Variants in PRUNE2 observed in about 807,000 individuals in gnomAD.
PRUNE2 encodes protein prune homolog 2.
In PRUNE2, 164 loss-of-function variants were observed where a neutral mutation model predicts 252.0. The observed-to-expected ratio is 0.65, with a 90% CI of 0.57 to 0.74. PRUNE2 has a LOEUF of 0.74. Among genes scored for constraint, PRUNE2 ranks in the 30% least tolerant of loss-of-function variants. The pLI is 0.00. For missense variants in PRUNE2, 3,495 were observed against 3,711.0 expected (o/e 0.94, Z 1.51); for synonymous variants, 1,292 against 1,350.2 (o/e 0.96, Z 0.94).
intron 6 of PRUNE2, among the ~76,000 whole-genome samples, chr9:76,743,913 C>A (rs1414703690): frequency 6.6e-6 from 1 of 152,116 alleles, no homozygotes; most frequent in African/African-American, 2.4e-5. Context: ...CTTAATAAAA[C>A]AAGCTAGCAT....
intron 1 of PRUNE2, among the ~76,000 whole-genome samples, chr9:76,899,013 G>T (rs910781633): frequency 1.3e-5 from 2 of 152,172 alleles, no homozygotes; most frequent in African/African-American, 4.8e-5. Flanking sequence ...TGCCAGGGCT[G>T]GACAGGAAGT....
At chr9:76,773,440 T>A (rs1435970567) in intron 6 of PRUNE2, among the ~76,000 whole-genome samples, 1 of 39,912 alleles carries the variant, frequency 2.5e-5, no homozygotes, top group African/African-American at 2.5e-4. Context: ...TAGTACATCT[T>A]TTTTTTTTTT....
At position 76,709,229 on chromosome 9, in the gene PRUNE2, C is replaced by CAGTGACTGTTGA. The variant is rs761883195; in HGVS notation, c.3044_3045insTCAACAGTCACT (p.Leu1015_Ser1018dup). ...TGATTCGATTTCGAGATGACTGTTG[C>CAGTGACTGTTGA]AGTGACTGAGGAGGAATGTCAGTCT... On this transcript the variant is annotated inframe_insertion, in exon 8 of 19. Coordinates refer to ENST00000376718, the MANE Select transcript of PRUNE2 (RefSeq NM_015225.3). The CAGTGACTGTTGA allele has an allele frequency of 6.2e-7, 1 of 1,613,934 alleles. No homozygotes were observed.
chr9:76,753,712 T>C (rs6560539), intron 6 of PRUNE2, among the ~76,000 whole-genome samples: 100,224 of 151,866 alleles, frequency 0.66, 33,801 homozygotes, highest in East Asian at 0.83. Flanking sequence ...CAGGAGATCG[T>C]GACCATCCTG....
intron 7 of PRUNE2, among the ~76,000 whole-genome samples, chr9:76,712,128 T>C (rs894707085): frequency 6.6e-6 from 1 of 152,182 alleles, no homozygotes; most frequent in Non-Finnish European, 1.5e-5. Flanking sequence ...GGAGCTCACA[T>C]AGATACTACT....
intron 9 of PRUNE2, among the ~76,000 whole-genome samples, chr9:76,677,908 G>T (rs1042380917): frequency 1.3e-5 from 2 of 152,142 alleles, no homozygotes; most frequent in African/African-American, 4.8e-5. Context: ...ACGAGGATTT[G>T]CACTCGAGTG....
At chr9:76,704,381 C>T (rs182779936) in intron 8 of PRUNE2, among the ~76,000 whole-genome samples, 13 of 152,104 alleles carry the variant, frequency 8.5e-5, no homozygotes, top group South Asian at 4.2e-4. Flanking sequence ...CCTGCCCCCA[C>T]GCCCAGCTAA....
chr9:76,636,924 C>A (rs539123765), intron 14 of PRUNE2, among the ~76,000 whole-genome samples: 1 of 151,634 alleles, frequency 6.6e-6, no homozygotes, highest in Admixed American at 6.6e-5. Flanking sequence ...CCACTGCACT[C>A]CAGCCTAGGC....
At chr9:76,772,574 T>C (rs189149167) in intron 6 of PRUNE2, among the ~76,000 whole-genome samples, 4 of 151,988 alleles carry the variant, frequency 2.6e-5, no homozygotes, top group Non-Finnish European at 5.9e-5. Context: ...ATTTTCTTTC[T>C]TTTTTTTAGA....
intron 16 of PRUNE2, among the ~76,000 whole-genome samples, chr9:76,625,986 T>G (rs993898576): frequency 1.1e-4 from 17 of 152,220 alleles, no homozygotes; most frequent in Non-Finnish European, 2.2e-4. Context: ...GCTTTGTTTA[T>G]GCACAAGTTA....
chr9:76,860,297 C>T lies in PRUNE2; in HGVS notation c.37-6089G>A, dbSNP rs140321133. On this transcript the variant is annotated intron_variant, in intron 1 of 18. Transcript: ENST00000376718. The stretch of plus-strand genomic sequence containing the variant: ...TTGCTGAGGCAGTAAGCAATTAATA[C>T]GAAAACAACAGCAGTATGTCTATTC... Among the ~76,000 whole-genome samples, 17 of 152,270 alleles carry T rather than the reference C, an allele frequency of 1.1e-4. No homozygotes were observed. In the East Asian group the frequency reaches 2.9e-3, roughly 26 times the overall value.
Position 76,858,339 on chromosome 9 carries a change from G to A in PRUNE2, c.37-4131C>T, listed in dbSNP as rs570826024. Among the ~76,000 whole-genome samples the A allele has an allele frequency of 9.9e-5, 15 of 152,256 alleles. 2 individuals are homozygous for A. In the South Asian group the frequency reaches 2.9e-3, roughly 30 times the overall value. On this transcript the variant is annotated intron_variant, in intron 1 of 18. Coordinates refer to ENST00000376718, the MANE Select transcript of PRUNE2 (RefSeq NM_015225.3). The stretch of plus-strand genomic sequence containing the variant: ...CGGGGATGGGATATGCTGAGGTGAG[G>A]TTCATTAGAAAGTGGCATTTGATGC...
chr9:76,855,511 C>T (rs559098589), intron 1 of PRUNE2, among the ~76,000 whole-genome samples: 31 of 151,988 alleles, frequency 2.0e-4, no homozygotes, highest in African/African-American at 7.0e-4. Context: ...ACAAATGAAT[C>T]TAAAAATTTG....
chr9:76,720,024 T>C (rs2047492844), intron 6 of PRUNE2, among the ~76,000 whole-genome samples: 1 of 152,218 alleles, frequency 6.6e-6, no homozygotes, highest in South Asian at 2.1e-4. Flanking sequence ...ATTATTACTT[T>C]AATAACTAAA....
At chr9:76,657,448 A>C (rs566379123) in intron 9 of PRUNE2, among the ~76,000 whole-genome samples, 3 of 152,360 alleles carry the variant, frequency 2.0e-5, no homozygotes, top group African/African-American at 7.2e-5. Flanking sequence ...GGATCAGCTT[A>C]AGTTTAATAG....
At chr9:76,855,082 A>AAAAAAAAAAAAAATAT (rs1490285240) in intron 1 of PRUNE2, among the ~76,000 whole-genome samples, 1 of 109,438 alleles carries the variant, frequency 9.1e-6, no homozygotes, top group African/African-American at 3.9e-5. Flanking sequence ...AAAAAAAAAA[A>AAAAAAAAAAAAAATAT]ATATATATAT....
chr9:76,683,096 G>C (rs1248757799), intron 9 of PRUNE2, among the ~76,000 whole-genome samples: 1 of 152,200 alleles, frequency 6.6e-6, no homozygotes, highest in African/African-American at 2.4e-5. Flanking sequence ...ATCACACTAA[G>C]TCCCAGGGTT....
At chr9:76,883,977 A>G in intron 1 of PRUNE2, among the ~76,000 whole-genome samples, 1 of 152,214 alleles carries the variant, frequency 6.6e-6, no homozygotes, top group East Asian at 1.9e-4. Context: ...GTCCTGGTTA[A>G]ATGGTAGCAA....
intron 4 of PRUNE2, among the ~76,000 whole-genome samples, chr9:76,833,875 C>T (rs923711285): frequency 7.0e-6 from 1 of 142,578 alleles, no homozygotes; most frequent in African/African-American, 2.6e-5. Flanking sequence ...ACCAAGATGC[C>T]GGGTTTTTTT....
Sources: gnomAD v4.1 joint callset for allele counts (sites outside exome capture counted in the v4.1 genomes callset) on GRCh38, gnomAD v4.1.1 for gene constraint, MANE v1.5 for transcripts, NCBI Gene and HGNC (gene_info 2026-07-23, HGNC 2026-07-21) for gene names.